Variants in GPHN observed in about 807,000 individuals in gnomAD.
GPHN encodes gephyrin.
A neutral mutation model predicts 95.5 loss-of-function variants in GPHN; 17 were observed. The observed-to-expected ratio is 0.18, with a 90% CI of 0.12 to 0.27. The LOEUF is 0.27. GPHN is among the 10% of genes least tolerant of loss of function. The probability of loss-of-function intolerance (pLI) is 1.00; values close to 1 mark genes in which losing one functional copy is unlikely to be tolerated. For synonymous variants in GPHN, 320 were observed against 322.5 expected, an observed-to-expected ratio of 0.99 and a Z score of 0.08; for missense variants, 660 against 978.1, an observed-to-expected ratio of 0.67 and a Z score of 4.34.
chr14:66,587,170 C>T (rs1255857080), intron 1 of GPHN, among the ~76,000 whole-genome samples: 1 of 151,910 alleles, frequency 6.6e-6, no homozygotes, highest in East Asian at 1.9e-4. Flanking sequence ...GTACAACTAC[C>T]AAGAATGAAT....
intron 4 of GPHN, among the ~76,000 whole-genome samples, chr14:66,875,540 C>T (rs984584644): frequency 6.6e-6 from 1 of 151,786 alleles, no homozygotes; most frequent in Non-Finnish European, 1.5e-5. Context: ...CACATAGGCT[C>T]AAAATAAAGG....
intron 1 of GPHN, among the ~76,000 whole-genome samples, chr14:66,593,405 T>C (rs1398749675): frequency 1.3e-5 from 2 of 152,036 alleles, no homozygotes; most frequent in Non-Finnish European, 2.9e-5. Flanking sequence ...TCAGGAAACT[T>C]ACAATTATGG....
chr14:66,685,056 A>G (rs1043024603), intron 2 of GPHN, among the ~76,000 whole-genome samples: 13 of 152,174 alleles, frequency 8.5e-5, no homozygotes, highest in African/African-American at 2.9e-4. Context: ...AACTTCATTC[A>G]TGTCCCTACA....
chr14:66,722,953 A>C (rs2070889780), intron 2 of GPHN, among the ~76,000 whole-genome samples: 1 of 152,006 alleles, frequency 6.6e-6, no homozygotes, highest in South Asian at 2.1e-4. Flanking sequence ...ACAAAGTGAC[A>C]CTCTTTTTCC....
the GPHN span, among the ~76,000 whole-genome samples, chr14:67,411,647 TC>T: frequency 1.3e-5 from 2 of 152,230 alleles, no homozygotes; most frequent in Non-Finnish European, 2.9e-5. Flanking sequence ...GTAGCATTCC[TC>T]CTTCACAGGT....
chr14:66,756,573 T>TA (rs773118139), intron 2 of GPHN, among the ~76,000 whole-genome samples: 64 of 152,102 alleles, frequency 4.2e-4, no homozygotes, highest in Non-Finnish European at 8.7e-4. Flanking sequence ...GAGTTTAGAT[T>TA]AAAAAAAATT....
At chr14:66,545,676 G>C (rs2059550330) in intron 1 of GPHN, among the ~76,000 whole-genome samples, 1 of 133,242 alleles carries the variant, frequency 7.5e-6, no homozygotes, top group Non-Finnish European at 1.6e-5. Context: ...CTTCCCAGTA[G>C]GGGCGGCCGG....
At chr14:67,164,443 A>G (rs2082154682) in intron 19 of GPHN, among the ~76,000 whole-genome samples, 1 of 152,164 alleles carries the variant, frequency 6.6e-6, no homozygotes, top group African/African-American at 2.4e-5. Context: ...AGGTTAAAAA[A>G]TACTCATTTT....
intron 3 of GPHN, among the ~76,000 whole-genome samples, chr14:66,797,001 G>A (rs552785597): frequency 4.4e-4 from 61 of 137,544 alleles, no homozygotes; most frequent in African/African-American, 1.4e-3. Flanking sequence ...TGTATATGGT[G>A]AGACATAGGT....
chr14:66,820,012 GATATT>G (rs1275317474), intron 3 of GPHN, among the ~76,000 whole-genome samples: 2 of 152,054 alleles, frequency 1.3e-5, no homozygotes, highest in Non-Finnish European at 2.9e-5. Flanking sequence ...TATTAGAAGA[GATATT>G]ATATGCTGAA....
chr14:67,587,948 C>G, the GPHN span: 1 of 152,680 alleles, frequency 6.5e-6, no homozygotes, highest in African/African-American at 2.4e-5. Context: ...CTCCTACACT[C>G]TGTCAGAAGC....
In GPHN at chr14:66,824,558, A is replaced by C; in HGVS notation, c.286A>C (p.Thr96Pro). ...GGTGFAPRDV[T>P]PEATKEVIER... ...AACAGGATTTGCACCACGAGATGTC[A>C]CTCCAGAGGTGAGATAGTACATGCC... The change falls in exon 4 of 23, where the codon ACT (threonine) becomes CCT (proline). Residue 96 changes from threonine to proline, a missense_variant. Coordinates refer to ENST00000478722, the MANE Select transcript of GPHN (RefSeq NM_020806.5). 1.3e-6 allele frequency: 2 copies of C among 1,506,838 alleles called. No individual in the cohort carries two copies. The highest frequency in any genetic ancestry group is 1.4e-5 in the African/African-American group (1 of 72,982). 93.3% of individuals were successfully genotyped at this position (1,506,838 alleles called of 1,614,324 possible).
chr14:67,269,389 G>T, the GPHN span, among the ~76,000 whole-genome samples: 1 of 152,056 alleles, frequency 6.6e-6, no homozygotes, highest in Admixed American at 6.6e-5. Context: ...TTATACCTAG[G>T]AGTAGAATCG....
At chr14:66,595,906 G>A (rs2061953429) in intron 1 of GPHN, among the ~76,000 whole-genome samples, 1 of 152,196 alleles carries the variant, frequency 6.6e-6, no homozygotes, top group African/African-American at 2.4e-5. Flanking sequence ...TGTCCAGGAA[G>A]AATGAGTTAT....
chr14:67,390,778 G>A, the GPHN span: 5 of 1,434,966 alleles, frequency 3.5e-6, no homozygotes, highest in Non-Finnish European at 4.9e-6. Context: ...AAGCTCATTG[G>A]TGACAGCTGC....
chr14:67,243,471 A>G, the GPHN span, among the ~76,000 whole-genome samples: 2 of 142,804 alleles, frequency 1.4e-5, no homozygotes, highest in Non-Finnish European at 3.0e-5. Flanking sequence ...TACAGGCGTG[A>G]GCCACCGCCA....
the GPHN span, chr14:67,199,791 C>T: frequency 6.6e-7 from 1 of 1,524,784 alleles, no homozygotes; most frequent in Non-Finnish European, 8.9e-7. Flanking sequence ...GGCTCCTTCC[C>T]ACCCCCAGTG....
intron 1 of GPHN, among the ~76,000 whole-genome samples, chr14:66,629,156 A>AAT (rs1201044971): frequency 9.0e-6 from 1 of 110,822 alleles, no homozygotes; most frequent in Non-Finnish European, 1.8e-5. Flanking sequence ...TACATATATA[A>AAT]ATATGTATAT....
At chr14:66,641,087 G>T (rs1290972800) in intron 1 of GPHN, among the ~76,000 whole-genome samples, 1 of 152,188 alleles carries the variant, frequency 6.6e-6, no homozygotes, top group Non-Finnish European at 1.5e-5. Context: ...AGGCAAACTG[G>T]TGTAGCTACT....
Sources: allele counts gnomAD v4.1 joint callset (sites outside exome capture counted in the v4.1 genomes callset), GRCh38; gene constraint gnomAD v4.1.1; transcripts MANE v1.5; gene names NCBI Gene and HGNC (gene_info 2026-07-23, HGNC 2026-07-21).